The following CDH13 variants were observed in gnomAD, a reference collection of about 807,000 sequenced individuals.
CDH13 encodes cadherin 13.
A neutral mutation model predicts 63.8 loss-of-function variants in CDH13; 24 were observed. The ratio of observed to expected loss-of-function variants is 0.38; its 90% CI spans 0.27 to 0.53. The LOEUF is 0.53. CDH13 is among the 20% of genes least tolerant of loss of function. The pLI is 0.85. For synonymous variants in CDH13, 503 were observed against 355.3 expected, an observed-to-expected ratio of 1.42 and a Z score of -4.67; for missense variants, 1,049 against 903.1, an observed-to-expected ratio of 1.16 and a Z score of -2.07.
At chr16:82,961,185 G>C (rs1030067825) in intron 2 of CDH13, among the ~76,000 whole-genome samples, 2 of 152,134 alleles carry the variant, frequency 1.3e-5, no homozygotes, top group Non-Finnish European at 2.9e-5. Flanking sequence ...TCCCGACAAG[G>C]ACACTGAGGC....
chr16:83,741,991 G>A (rs554110025), intron 10 of CDH13, among the ~76,000 whole-genome samples: 5 of 152,328 alleles, frequency 3.3e-5, no homozygotes, highest in South Asian at 2.1e-4. Flanking sequence ...TGTCTTCCAC[G>A]AAACCAGTCC....
At chr16:82,814,142 T>A (rs2037588016) in intron 1 of CDH13, among the ~76,000 whole-genome samples, 1 of 152,130 alleles carries the variant, frequency 6.6e-6, no homozygotes, top group East Asian at 1.9e-4. Context: ...ACATATTTGG[T>A]CTCTGCCCCC....
At chr16:83,124,149 A>G (rs1218540176) in intron 3 of CDH13, among the ~76,000 whole-genome samples, 2 of 151,854 alleles carry the variant, frequency 1.3e-5, no homozygotes, top group Non-Finnish European at 1.5e-5. Flanking sequence ...GGGTTCAAGC[A>G]ATTCTCCTGC....
At chr16:83,531,207 A>T (rs1367490552) in intron 7 of CDH13, among the ~76,000 whole-genome samples, 1 of 152,118 alleles carries the variant, frequency 6.6e-6, no homozygotes, top group Non-Finnish European at 1.5e-5. Context: ...TGTAATCTTG[A>T]CTTTGTCTGT....
intron 4 of CDH13, among the ~76,000 whole-genome samples, chr16:83,131,576 G>C (rs1030739395): frequency 3.9e-5 from 6 of 152,030 alleles, no homozygotes; most frequent in African/African-American, 1.2e-4. Flanking sequence ...AGATTTTTGA[G>C]TTCTTGGGCC....
intron 3 of CDH13, among the ~76,000 whole-genome samples, chr16:83,048,890 T>C (rs2029953192): frequency 6.6e-6 from 1 of 152,102 alleles, no homozygotes; most frequent in South Asian, 2.1e-4. Flanking sequence ...CCCAGTCTTG[T>C]TGAAAGCCAT....
chr16:83,275,723 G>A (rs138778149), intron 5 of CDH13, among the ~76,000 whole-genome samples: 28 of 152,172 alleles, frequency 1.8e-4, no homozygotes, highest in Middle Eastern at 3.4e-3. Context: ...TTGGTTATAC[G>A]TCATTTCTGA....
At chr16:83,109,420 A>G (rs2034953674) in intron 3 of CDH13, among the ~76,000 whole-genome samples, 1 of 152,216 alleles carries the variant, frequency 6.6e-6, no homozygotes, top group South Asian at 2.1e-4. Context: ...TTTTCAGTTA[A>G]GTTTAGGATA....
chr16:83,422,556 G>T (rs1257275796), intron 6 of CDH13, among the ~76,000 whole-genome samples: 1 of 152,180 alleles, frequency 6.6e-6, no homozygotes, highest in African/African-American at 2.4e-5. Flanking sequence ...TAAATGTCTT[G>T]AAAGCTCTTT....
intron 10 of CDH13, among the ~76,000 whole-genome samples, chr16:83,683,919 G>A (rs1379775412): frequency 6.6e-6 from 1 of 152,174 alleles, no homozygotes; most frequent in Non-Finnish European, 1.5e-5. Context: ...AAACAGATCA[G>A]GTTCCCACTC....
At chr16:82,719,730 C>T (rs1042237325) in intron 1 of CDH13, among the ~76,000 whole-genome samples, 24 of 151,244 alleles carry the variant, frequency 1.6e-4, no homozygotes, top group South Asian at 2.1e-4. Flanking sequence ...TCTATAATCC[C>T]GGCTACTCGG....
chr16:83,264,402 A>T (rs542389715), intron 5 of CDH13, among the ~76,000 whole-genome samples: 58 of 152,288 alleles, frequency 3.8e-4, no homozygotes, highest in Admixed American at 7.2e-4. Flanking sequence ...CTTTATATTT[A>T]ACTTCATCAA....
intron 2 of CDH13, among the ~76,000 whole-genome samples, chr16:82,911,166 G>C (rs1477537252): frequency 1.3e-5 from 2 of 152,196 alleles, no homozygotes; most frequent in African/African-American, 2.4e-5. Context: ...GCATTCCATA[G>C]TTTCCCCGAG....
At chr16:83,741,504 G>A (rs370108371) in intron 10 of CDH13, among the ~76,000 whole-genome samples, 6 of 107,550 alleles carry the variant, frequency 5.6e-5, no homozygotes, top group East Asian at 2.3e-4. Flanking sequence ...ATATATATGT[G>A]TGTGTGTGTG....
chr16:83,074,694 G>A (rs552062703), intron 3 of CDH13, among the ~76,000 whole-genome samples: 2 of 152,136 alleles, frequency 1.3e-5, no homozygotes, highest in African/African-American at 2.4e-5. Flanking sequence ...CTATGAACAG[G>A]AGTCTTTGGA....
At chr16:83,039,656 C>G (rs1022263619) in intron 3 of CDH13, among the ~76,000 whole-genome samples, 1 of 152,172 alleles carries the variant, frequency 6.6e-6, no homozygotes, top group African/African-American at 2.4e-5. Flanking sequence ...CCTCAGCACC[C>G]TGCCCAGTGC....
intron 3 of CDH13, among the ~76,000 whole-genome samples, chr16:83,085,817 A>C (rs886327637): frequency 6.6e-6 from 1 of 152,236 alleles, no homozygotes; most frequent in African/African-American, 2.4e-5. Flanking sequence ...ATGCTAAGAC[A>C]CATTGAAGCT....
At chr16:83,291,997 A>G (rs1254156075) in intron 5 of CDH13, among the ~76,000 whole-genome samples, 1 of 152,044 alleles carries the variant, frequency 6.6e-6, no homozygotes, top group South Asian at 2.1e-4. Flanking sequence ...GAATTTGTAT[A>G]GGAGAGTTAA....
rs370443553 is a variant in CDH13, at chr16:83,315,770, C to G, written c.637-29092C>G. On this transcript the variant is annotated intron_variant, in intron 5 of 13. Transcript: ENST00000567109. Reference sequence around the variant, plus strand: ...CCCTTAGGTGACCATCAATTTATATCTAAATTATTAGTGTGCTTGTTATAG... The same window carrying G: ...CCCTTAGGTGACCATCAATTTATATGTAAATTATTAGTGTGCTTGTTATAG... Among the ~76,000 whole-genome samples the G allele has an allele frequency of 3.3e-5, 5 of 152,010 alleles. No homozygotes were observed. In the East Asian group the frequency reaches 9.7e-4, roughly 29 times the overall value.
Sources: gnomAD v4.1 joint callset for allele counts (sites outside exome capture counted in the v4.1 genomes callset) on GRCh38, gnomAD v4.1.1 for gene constraint, MANE v1.5 for transcripts, NCBI Gene and HGNC (gene_info 2026-07-23, HGNC 2026-07-21) for gene names.